Variants in BCL7C observed in about 807,000 individuals in gnomAD.
BCL7C encodes the protein B-cell CLL/lymphoma 7 protein family member C.
In BCL7C, 8 loss-of-function variants were observed where a neutral mutation model predicts 26.2. The ratio of observed to expected loss-of-function variants is 0.30; its 90% CI spans 0.18 to 0.55. The LOEUF is 0.55. Ranked by LOEUF, BCL7C falls within the 20% of genes least tolerant of loss-of-function variation. The pLI is 0.93. For missense variants in BCL7C, 262 were observed against 298.5 expected (o/e 0.88, Z 0.90); for synonymous variants, 90 against 116.5 (o/e 0.77, Z 1.47).
chr16:30,847,591 T>C (rs917460047), intron 5 of BCL7C, among the ~76,000 whole-genome samples: 1 of 148,120 alleles, frequency 6.8e-6, no homozygotes, highest in African/African-American at 2.5e-5. Context: ...AGGTCAGGAG[T>C]TCAAGACCAG....
intron 5 of BCL7C, among the ~76,000 whole-genome samples, chr16:30,869,334 G>C (rs2054862112): frequency 6.6e-6 from 1 of 151,858 alleles, no homozygotes; most frequent in Non-Finnish European, 1.5e-5. Context: ...TCAGCCTCCT[G>C]AGTAGCTGGG....
intron 5 of BCL7C, among the ~76,000 whole-genome samples, chr16:30,869,136 C>T (rs1425827933): frequency 1.3e-5 from 2 of 152,102 alleles, no homozygotes; most frequent in East Asian, 3.9e-4. Flanking sequence ...AGACTGGGGC[C>T]AGAGTCGTAG....
intron 5 of BCL7C, among the ~76,000 whole-genome samples, chr16:30,864,314 C>G (rs938551401): frequency 1.3e-5 from 2 of 152,144 alleles, no homozygotes; most frequent in Non-Finnish European, 2.9e-5. Context: ...ATTGGATGTC[C>G]TGAGTACTCC....
Position 30,893,273 on chromosome 16 carries a change from G to C in BCL7C, c.110C>G (p.Thr37Ser). 1.9e-6 allele frequency: 3 copies of C among 1,613,636 alleles called. No individual in the cohort carries two copies. The highest frequency in any genetic ancestry group is 2.5e-6 in the Non-Finnish European group (3 of 1,179,704). ...KVRRWEKRWV[T>S]VGDTSLRIFK... ...GATACGAAGGGAAGTGTCGCCCACA[G>C]TCACCCATCGCTTCTCCCTGTGGGA... is the stretch of plus-strand genomic sequence containing the variant. Residue 37 changes from threonine to serine, a missense_variant, in exon 2 of 6, where the codon ACT (threonine) becomes AGT (serine). By Grantham distance (58) the Thr-to-Ser change is moderately conservative. Coordinates refer to ENST00000215115, the MANE Select transcript of BCL7C (RefSeq NM_004765.4). This position sits in a 1 kb window ranked among gnomAD's most constrained non-coding sequence, Gnocchi z 5.2.
At chr16:30,888,211 C>T (rs2055166354) in intron 5 of BCL7C, among the ~76,000 whole-genome samples, 1 of 152,204 alleles carries the variant, frequency 6.6e-6, no homozygotes. Flanking sequence ...CTGAAAATGC[C>T]TCGAGGTAGC....
chr16:30,849,547 G>A lies in BCL7C; in HGVS notation c.529-14399C>T, dbSNP rs191418357. Reference sequence around the variant, plus strand: ...ACTCACTGCAACCCCGGCATCCTGGGTTCAAGCATTTCCTGTGCCTCAGCC... The same window carrying A: ...ACTCACTGCAACCCCGGCATCCTGGATTCAAGCATTTCCTGTGCCTCAGCC... On this transcript the variant is annotated intron_variant, in intron 5 of 5. Transcript: ENST00000380317. Among the ~76,000 whole-genome samples, 466 of 152,178 alleles carry A rather than the reference G, an allele frequency of 3.1e-3. 5 individuals are homozygous for A. Among genetic ancestry groups the A allele is most frequent in the Admixed American group, 7.8e-3 (119 of 15,290 alleles).
At chr16:30,839,440 G>GA (rs1197834461) in intron 5 of BCL7C, among the ~76,000 whole-genome samples, 1 of 152,238 alleles carries the variant, frequency 6.6e-6, no homozygotes, top group East Asian at 1.9e-4. Context: ...GTGCTGCTGT[G>GA]AAAGGATTTG....
At chr16:30,836,979 A>G (rs924839635) in intron 5 of BCL7C, among the ~76,000 whole-genome samples, 1 of 151,734 alleles carries the variant, frequency 6.6e-6, no homozygotes, top group Admixed American at 6.6e-5. Flanking sequence ...TTTTTTTGGT[A>G]GAGACAGGGT....
At chr16:30,844,458 T>TG (rs1247484711) in intron 5 of BCL7C, among the ~76,000 whole-genome samples, 1 of 152,046 alleles carries the variant, frequency 6.6e-6, no homozygotes, top group Non-Finnish European at 1.5e-5. Context: ...CAGCTACAAT[T>TG]GGAGTCACCA....
At chr16:30,864,405 C>T in intron 5 of BCL7C, among the ~76,000 whole-genome samples, 1 of 152,116 alleles carries the variant, frequency 6.6e-6, no homozygotes, top group Non-Finnish European at 1.5e-5. Context: ...TCAATTAATA[C>T]AAAACTGCAT....
intron 5 of BCL7C, among the ~76,000 whole-genome samples, chr16:30,864,889 C>T (rs1412664185): frequency 7.4e-6 from 1 of 135,772 alleles, no homozygotes; most frequent in African/African-American, 2.7e-5. Context: ...TTCTCCCCTG[C>T]CCTTAAGAAG....
Position 30,834,869 on chromosome 16 carries a change from C to T in BCL7C, c.*79G>A. ...GGGTGAGCTGGGAAGCTCTTTCCGC[C>T]CTCGGGGCACAGGTAGTGGCTGGAT... On this transcript the variant is annotated 3_prime_UTR_variant, in exon 6 of 6. Transcript: ENST00000380317. The surrounding 1 kb of genome is among the most constrained non-coding windows in gnomAD (Gnocchi z 4.3). The T allele has an allele frequency of 7.3e-7, 1 of 1,372,388 alleles. No individual in the cohort carries two copies. Among genetic ancestry groups the T allele is most frequent in the Non-Finnish European group, 9.7e-7 (1 of 1,032,654 alleles). 85.0% of individuals were successfully genotyped at this position (1,372,388 alleles called of 1,614,324 possible).
intron 5 of BCL7C, among the ~76,000 whole-genome samples, chr16:30,864,609 G>A (rs556850078): frequency 6.6e-4 from 100 of 151,930 alleles, no homozygotes; most frequent in African/African-American, 1.8e-3. Context: ...AATTTTCACC[G>A]CCCCAACACT....
downstream of BCL7C, among the ~76,000 whole-genome samples, chr16:30,887,238 G>A (rs1194386744): frequency 1.3e-5 from 2 of 152,070 alleles, no homozygotes; most frequent in Admixed American, 6.6e-5. Context: ...GAACCCAGGA[G>A]GCAGAGTTTG....
chr16:30,836,426 T>C (rs953715632), intron 5 of BCL7C, among the ~76,000 whole-genome samples: 2 of 150,770 alleles, frequency 1.3e-5, no homozygotes, highest in Admixed American at 1.3e-4. Flanking sequence ...GAACTTATGA[T>C]CACGCTGCTG....
At chr16:30,842,192 T>C (rs1294382320) in intron 5 of BCL7C, among the ~76,000 whole-genome samples, 2 of 152,054 alleles carry the variant, frequency 1.3e-5, no homozygotes. Flanking sequence ...GACACAGACA[T>C]ATACAAAGTG....
intron 5 of BCL7C, among the ~76,000 whole-genome samples, chr16:30,861,317 T>G (rs1273097848): frequency 6.6e-6 from 1 of 152,178 alleles, no homozygotes; most frequent in Non-Finnish European, 1.5e-5. Context: ...TGCAACTCCT[T>G]GCCTCCACTG....
intron 5 of BCL7C, among the ~76,000 whole-genome samples, chr16:30,861,924 C>T (rs778303570): frequency 4.6e-5 from 6 of 130,680 alleles, no homozygotes; most frequent in Non-Finnish European, 4.6e-5. Flanking sequence ...AGTGCAGTGG[C>T]GTGATCTCAG....
chr16:30,834,876 G>A lies in BCL7C; in HGVS notation c.*72C>T. 1 of 1,390,414 alleles carries A rather than the reference G, an allele frequency of 7.2e-7. No homozygotes were observed. The allele number at this position is 1,390,414 out of a possible 1,614,324, so 86.1% of individuals were successfully genotyped here. ...CTGGGAAGCTCTTTCCGCCCTCGGG[G>A]CACAGGTAGTGGCTGGATCTTGGGG... is the stretch of plus-strand genomic sequence containing the variant. On this transcript the variant is annotated 3_prime_UTR_variant, in exon 6 of 6. Coordinates refer to the BCL7C transcript ENST00000380317. This position sits in a 1 kb window ranked among gnomAD's most constrained non-coding sequence, Gnocchi z 4.3.
Sources: allele counts gnomAD v4.1 joint callset (sites outside exome capture counted in the v4.1 genomes callset), GRCh38; gene constraint gnomAD v4.1.1; non-coding constraint Gnocchi (gnomAD v3.1); transcripts MANE v1.5; gene names NCBI Gene and HGNC (gene_info 2026-07-23, HGNC 2026-07-21).